ARHGAP10: variants seen among roughly 807,000 people sequenced by gnomAD.
ARHGAP10 encodes the protein rho GTPase-activating protein 10.
A neutral mutation model predicts 108.6 loss-of-function variants in ARHGAP10; 87 were observed. The ratio of observed to expected loss-of-function variants is 0.80; its 90% CI spans 0.67 to 0.96. The LOEUF is 0.96. Ranked by LOEUF, ARHGAP10 falls within the 40% of genes least tolerant of loss-of-function variation. The pLI is 0.00. For missense variants in ARHGAP10, 939 were observed against 954.5 expected (o/e 0.98, Z 0.21); for synonymous variants, 347 against 341.1 (o/e 1.02, Z -0.19).
chr4:147,782,898 C>T (rs1404943050), intron 1 of ARHGAP10, among the ~76,000 whole-genome samples: 7 of 133,946 alleles, frequency 5.2e-5, no homozygotes, highest in South Asian at 2.3e-4. Context: ...ACATATATTA[C>T]GTATTATATA....
In ARHGAP10 at chr4:147,864,814, C is replaced by A. The variant is rs780307514; in HGVS notation, c.487-32C>A. 1.9e-6 allele frequency: 3 copies of A among 1,591,578 alleles called. No homozygotes were observed. In the South Asian group the frequency reaches 3.4e-5, roughly 18 times the overall value. On this transcript the variant is annotated intron_variant, in intron 5 of 22. Coordinates refer to ENST00000336498, the MANE Select transcript of ARHGAP10 (RefSeq NM_024605.4). ...GTAGCGTTTCACTTTTCACCATCTC[C>A]AGTTTGACTAACCTCTGTGATTTTA...
At chr4:147,806,216 C>T (rs1453338403) in intron 1 of ARHGAP10, among the ~76,000 whole-genome samples, 1 of 151,954 alleles carries the variant, frequency 6.6e-6, no homozygotes, top group African/African-American at 2.4e-5. Flanking sequence ...CTTTCCAGGT[C>T]GGATCAAATT....
chr4:147,894,939 T>C (rs6856273), intron 10 of ARHGAP10, among the ~76,000 whole-genome samples: 119,026 of 152,102 alleles, frequency 0.78, 49,020 homozygotes, highest in Non-Finnish European at 0.92. Context: ...AGTCAGGTGG[T>C]ACAAGTCCTC....
intron 21 of ARHGAP10, 60 bp downstream of exon 21, chr4:148,063,360 A>C: frequency 6.3e-7 from 1 of 1,599,654 alleles, no homozygotes; most frequent in Non-Finnish European, 8.5e-7. Flanking sequence ...GGCTTGATGA[A>C]CCTGAGCAGG....
intron 1 of ARHGAP10, among the ~76,000 whole-genome samples, chr4:147,773,642 T>C (rs768797198): frequency 3.3e-5 from 5 of 152,220 alleles, no homozygotes; most frequent in Non-Finnish European, 5.9e-5. Flanking sequence ...AAAACAGTTA[T>C]CTGTTTTTCG....
intron 20 of ARHGAP10, among the ~76,000 whole-genome samples, chr4:148,058,873 C>T (rs1729478330): frequency 6.6e-6 from 1 of 152,212 alleles, no homozygotes; most frequent in African/African-American, 2.4e-5. Flanking sequence ...AGAGTGTTGA[C>T]TCTTTTTAAA....
intron 1 of ARHGAP10, among the ~76,000 whole-genome samples, chr4:147,757,859 G>C (rs1579007255): frequency 6.6e-6 from 1 of 152,262 alleles, no homozygotes; most frequent in Non-Finnish European, 1.5e-5. Context: ...GGGATCTGGT[G>C]CCCATCCCTG....
intron 19 of ARHGAP10, among the ~76,000 whole-genome samples, chr4:148,039,367 A>ATTT (rs1728524113): frequency 3.9e-5 from 4 of 103,808 alleles, no homozygotes; most frequent in African/African-American, 1.4e-4. Context: ...ATACTACTTC[A>ATTT]ATTTTTTTTT....
At chr4:148,066,430 C>T (rs1729880033) in intron 22 of ARHGAP10, among the ~76,000 whole-genome samples, 1 of 152,222 alleles carries the variant, frequency 6.6e-6, no homozygotes, top group African/African-American at 2.4e-5. Flanking sequence ...AAAGCCAATG[C>T]AGATCTGCCA....
intron 1 of ARHGAP10, among the ~76,000 whole-genome samples, chr4:147,798,455 A>C (rs1731405204): frequency 6.6e-6 from 1 of 152,076 alleles, no homozygotes. Context: ...TCATGCCTAT[A>C]ATCCCTGCAC....
chr4:147,911,320 A>G (rs1333495139), intron 12 of ARHGAP10, among the ~76,000 whole-genome samples: 2 of 152,100 alleles, frequency 1.3e-5, no homozygotes, highest in East Asian at 1.9e-4. Flanking sequence ...ACTGTTCCCT[A>G]GGTTCTAAAT....
intron 1 of ARHGAP10, among the ~76,000 whole-genome samples, chr4:147,756,235 A>G (rs1176984259): frequency 6.6e-6 from 1 of 152,086 alleles, no homozygotes; most frequent in African/African-American, 2.4e-5. Context: ...GCAGTTCTTA[A>G]TTGCTCTCCC....
At chr4:148,027,670 GTAATATCAA>G (rs1322072113) in intron 19 of ARHGAP10, among the ~76,000 whole-genome samples, 1 of 152,144 alleles carries the variant, frequency 6.6e-6, no homozygotes, top group African/African-American at 2.4e-5. Context: ...TTCAGCCTGA[GTAATATCAA>G]ATTAGAACTT....
At chr4:148,023,138 G>A (rs1741633028) in intron 18 of ARHGAP10, 125 bp from the exon 19 acceptor site, 2 of 1,027,458 alleles carry the variant, frequency 1.9e-6, no homozygotes, top group African/African-American at 3.2e-5. Context: ...TGGAAGGAAT[G>A]GATTTTGGGC....
intron 18 of ARHGAP10, among the ~76,000 whole-genome samples, chr4:148,005,311 T>C (rs1289614282): frequency 6.6e-6 from 1 of 152,180 alleles, no homozygotes; most frequent in African/African-American, 2.4e-5. Context: ...AAGCTAGGTG[T>C]GCTGGCTCAT....
intron 1 of ARHGAP10, among the ~76,000 whole-genome samples, chr4:147,783,468 T>C (rs1029327339): frequency 2.3e-4 from 34 of 146,020 alleles, no homozygotes; most frequent in African/African-American, 7.4e-4. Context: ...AAATTATGTA[T>C]TGTATAATTT....
In ARHGAP10 at chr4:147,824,045, C is replaced by T. The variant is rs764542664; in HGVS notation, c.312+1088C>T. ...AAAAAAAACACAGATTCAGGCTGGG[C>T]GAGGTGGCTCATGCCTGTAATCCCA... is the stretch of plus-strand genomic sequence containing the variant. On this transcript the variant is annotated intron_variant, in intron 3 of 22. Transcript: ENST00000336498. Among the ~76,000 whole-genome samples the T allele has an allele frequency of 3.9e-5, 6 of 152,124 alleles. No homozygotes were observed. The South Asian group carries it at 6.2e-4, about 16-fold the overall frequency.
chr4:147,746,577 A>G (rs1728933663), intron 1 of ARHGAP10, among the ~76,000 whole-genome samples: 1 of 151,710 alleles, frequency 6.6e-6, no homozygotes, highest in Admixed American at 6.6e-5. Flanking sequence ...TTTAGTAGAG[A>G]CGGGGTTTCA....
chr4:147,908,025 G>A (rs1227406955), intron 11 of ARHGAP10, among the ~76,000 whole-genome samples: 2 of 152,140 alleles, frequency 1.3e-5, no homozygotes, highest in African/African-American at 4.8e-5. Flanking sequence ...GTAATTTTTA[G>A]TAGAGACAGG....
Sources: allele counts gnomAD v4.1 joint callset (sites outside exome capture counted in the v4.1 genomes callset), GRCh38; gene constraint gnomAD v4.1.1; transcripts MANE v1.5; gene names NCBI Gene and HGNC (gene_info 2026-07-23, HGNC 2026-07-21).